Variants in PAPSS1 observed in about 807,000 individuals in gnomAD.
The protein encoded by PAPSS1 is bifunctional 3'-phosphoadenosine 5'-phosphosulfate synthase 1.
In PAPSS1, 50 loss-of-function variants were observed where a neutral mutation model predicts 72.0. The observed-to-expected ratio is 0.69, with a 90% CI of 0.55 to 0.88. The LOEUF is 0.88. Among genes scored for constraint, PAPSS1 ranks in the 40% least tolerant of loss-of-function variants. The probability of loss-of-function intolerance (pLI) is 0.00; values close to 1 mark genes in which losing one functional copy is unlikely to be tolerated. For synonymous variants in PAPSS1, 261 were observed against 263.6 expected (o/e 0.99, Z 0.09); for missense variants, 657 against 782.2 (o/e 0.84, Z 1.91).
chr4:107,669,965 T>C (rs1727426763), intron 5 of PAPSS1, among the ~76,000 whole-genome samples: 2 of 152,170 alleles, frequency 1.3e-5, no homozygotes, highest in Admixed American at 6.5e-5. Context: ...CATGAACAAG[T>C]TTCTTCATTT....
At chr4:107,703,915 T>C (rs1723271813) in intron 1 of PAPSS1, among the ~76,000 whole-genome samples, 1 of 152,250 alleles carries the variant, frequency 6.6e-6, no homozygotes, top group South Asian at 2.1e-4. Context: ...AGGGATTGCA[T>C]TGAATCTGTA....
intron 1 of PAPSS1, among the ~76,000 whole-genome samples, chr4:107,702,459 A>C (rs1258841919): frequency 6.6e-6 from 1 of 152,092 alleles, no homozygotes; most frequent in Non-Finnish European, 1.5e-5. Context: ...ATCTAAATAA[A>C]ATTTTGTACC....
intron 11 of PAPSS1, among the ~76,000 whole-genome samples, chr4:107,625,863 A>G (rs1178461136): frequency 6.6e-6 from 1 of 152,162 alleles, no homozygotes; most frequent in African/African-American, 2.4e-5. Context: ...GTTTTTTAAA[A>G]ATGACACTAA....
chr4:107,625,975 G>A (rs568256721), intron 11 of PAPSS1, among the ~76,000 whole-genome samples: 63 of 150,792 alleles, frequency 4.2e-4, no homozygotes, highest in African/African-American at 1.2e-3. Flanking sequence ...AGGTCAGATC[G>A]AGACCATCCT....
chr4:107,694,403 A>G (rs1723016304), intron 2 of PAPSS1: 1 of 171,744 alleles, frequency 5.8e-6, no homozygotes, highest in Admixed American at 5.7e-5. Context: ...CTTGCCTAGG[A>G]AAACACCTAC....
intron 9 of PAPSS1, among the ~76,000 whole-genome samples, chr4:107,647,165 G>C (rs1477706775): frequency 1.3e-5 from 2 of 152,190 alleles, no homozygotes; most frequent in African/African-American, 4.8e-5. Flanking sequence ...CAGAGCAGGG[G>C]AGCAAAGACG....
intron 3 of PAPSS1, among the ~76,000 whole-genome samples, chr4:107,689,849 C>T (rs1722872001): frequency 1.3e-5 from 2 of 152,124 alleles, no homozygotes; most frequent in African/African-American, 2.4e-5. Flanking sequence ...AAATGAAATA[C>T]GCATGTCCTC....
intron 5 of PAPSS1, among the ~76,000 whole-genome samples, chr4:107,677,354 C>A (rs1578415774): frequency 6.6e-6 from 1 of 152,288 alleles, no homozygotes; most frequent in East Asian, 1.9e-4. Context: ...AAACAAACAA[C>A]CCCATCAAAA....
chr4:107,712,252 A>T (rs1723513307), intron 1 of PAPSS1, among the ~76,000 whole-genome samples: 1 of 152,274 alleles, frequency 6.6e-6, no homozygotes, highest in East Asian at 1.9e-4. Flanking sequence ...TTCATTCATT[A>T]TTTGTTGTTT....
intron 2 of PAPSS1, among the ~76,000 whole-genome samples, chr4:107,696,778 A>G (rs1723076201): frequency 6.6e-6 from 1 of 152,160 alleles, no homozygotes; most frequent in Non-Finnish European, 1.5e-5. Context: ...TGTTGAGAGC[A>G]TCGATACAGT....
At chr4:107,695,732 C>T (rs966791005) in intron 2 of PAPSS1, among the ~76,000 whole-genome samples, 2 of 152,146 alleles carry the variant, frequency 1.3e-5, no homozygotes, top group African/African-American at 2.4e-5. Context: ...CTTCCTGTGT[C>T]TATTGAGATA....
At chr4:107,713,436 A>G (rs928848602) in intron 1 of PAPSS1, among the ~76,000 whole-genome samples, 1 of 152,098 alleles carries the variant, frequency 6.6e-6, no homozygotes, top group African/African-American at 2.4e-5. Context: ...CTCTGGCTAT[A>G]CTAAAAACCA....
chr4:107,664,526 A>G lies in PAPSS1; in HGVS notation c.670-4454T>C, dbSNP rs1343966597. Among the ~76,000 whole-genome samples the G allele has an allele frequency of 2.0e-5, 3 of 152,174 alleles. No homozygotes were observed. In the East Asian group the frequency reaches 5.8e-4, roughly 29 times the overall value. Reference sequence around the variant, plus strand: ...GACTGTTCTCTTCCCTCCACCCTGGAGACCCCACAACACTGAGGGCACACT... The same window carrying G: ...GACTGTTCTCTTCCCTCCACCCTGGGGACCCCACAACACTGAGGGCACACT... On this transcript the variant is annotated intron_variant, in intron 5 of 11. Transcript: ENST00000265174.
intron 5 of PAPSS1, among the ~76,000 whole-genome samples, chr4:107,667,397 G>A (rs1727348315): frequency 6.6e-6 from 1 of 152,132 alleles, no homozygotes; most frequent in South Asian, 2.1e-4. Context: ...AACCTGGTGT[G>A]GGGACAGGGT....
chr4:107,653,450 T>G, intron 9 of PAPSS1, 41 bp downstream of exon 9: 1 of 1,578,866 alleles, frequency 6.3e-7, no homozygotes, highest in Non-Finnish European at 8.6e-7. Flanking sequence ...GAACTTTCTC[T>G]CCAAGCCGGC....
At chr4:107,704,911 A>G (rs1723296954) in intron 1 of PAPSS1, among the ~76,000 whole-genome samples, 1 of 151,420 alleles carries the variant, frequency 6.6e-6, no homozygotes, top group Admixed American at 6.6e-5. Context: ...AGATCATGCC[A>G]TTGCACTCGA....
rs117763205 is a variant in PAPSS1, at chr4:107,687,001, T to C, written c.550+38A>G. ...ATCCTAGATATGGGAACATAAAATATCTAAGCAAAGTGAAACTGGGAAGAA... is the reference window on the plus strand; with the variant it reads ...ATCCTAGATATGGGAACATAAAATACCTAAGCAAAGTGAAACTGGGAAGAA... On this transcript the variant is annotated intron_variant, in intron 4 of 11. Transcript: ENST00000265174. The C allele has an allele frequency of 1.7e-4, 264 of 1,579,550 alleles. 2 individuals are homozygous for C. In the East Asian group the frequency reaches 4.7e-3, roughly 28 times the overall value.
chr4:107,638,768 CACTT>C (rs1267509858), intron 10 of PAPSS1, among the ~76,000 whole-genome samples: 4 of 152,184 alleles, frequency 2.6e-5, no homozygotes, highest in African/African-American at 7.2e-5. Context: ...AAATAGGTAA[CACTT>C]ACCAAGCTCT....
At chr4:107,615,387 T>A (rs181708376) in intron 11 of PAPSS1, among the ~76,000 whole-genome samples, 1 of 152,182 alleles carries the variant, frequency 6.6e-6, no homozygotes, top group Admixed American at 6.5e-5. Flanking sequence ...AGTTCTATGT[T>A]CCTTCCTCTC....
Sources: allele counts gnomAD v4.1 joint callset (sites outside exome capture counted in the v4.1 genomes callset), GRCh38; gene constraint gnomAD v4.1.1; transcripts MANE v1.5; gene names NCBI Gene and HGNC (gene_info 2026-07-23, HGNC 2026-07-21).